The following VRK2 variants were observed in gnomAD, a reference collection of about 807,000 sequenced individuals.
The protein encoded by VRK2 is serine/threonine-protein kinase VRK2.
A neutral mutation model predicts 57.6 loss-of-function variants in VRK2; 60 were observed. The ratio of observed to expected loss-of-function variants is 1.04; its 90% CI spans 0.85 to 1.29. The LOEUF is 1.29. Among genes scored for constraint, VRK2 ranks in the 50% most tolerant of loss-of-function variants. The probability of loss-of-function intolerance (pLI) is 0.00; values close to 1 mark genes in which losing one functional copy is unlikely to be tolerated. For missense variants in VRK2, 705 were observed against 588.1 expected (o/e 1.20, Z -2.06); for synonymous variants, 231 against 199.2 (o/e 1.16, Z -1.35).
At position 58,101,881 on chromosome 2, in the gene VRK2, G is replaced by C. The variant is rs1435418283; in HGVS notation, c.543+12158G>C. 2.0e-5 allele frequency among the ~76,000 whole-genome samples: 3 copies of C among 151,700 alleles called. No homozygotes were observed. In the East Asian group the frequency reaches 5.8e-4, roughly 29 times the overall value. On this transcript the variant is annotated intron_variant, in intron 7 of 12. Transcript: ENST00000340157. ...ATTTCCAGAAGCTGTTATAGAGCAT[G>C]AAACATAATAAGCATTCAATAAGTG...
At chr2:58,048,707 ATCCTAATT>A in intron 1 of VRK2, 112 bp from the exon 2 acceptor site, 1 of 1,499,824 alleles carries the variant, frequency 6.7e-7, no homozygotes, top group African/African-American at 1.4e-5. Flanking sequence ...TAACTTTAGA[ATCCTAATT>A]TCTGGGAACC....
chr2:58,125,874 A>T (rs527941695), intron 8 of VRK2, among the ~76,000 whole-genome samples: 1 of 152,218 alleles, frequency 6.6e-6, no homozygotes, highest in South Asian at 2.1e-4. Context: ...CAAATGTCTG[A>T]ATACTGTTCA....
intron 1 of VRK2, among the ~76,000 whole-genome samples, chr2:57,962,534 G>A (rs373652918): frequency 1.1e-4 from 17 of 152,182 alleles, no homozygotes; most frequent in Middle Eastern, 6.8e-3. Flanking sequence ...AATAAGCATA[G>A]TATTTGATCG....
At chr2:58,036,949 A>AT (rs932857252) in intron 3 of VRK2, among the ~76,000 whole-genome samples, 1 of 151,172 alleles carries the variant, frequency 6.6e-6, no homozygotes, top group East Asian at 1.9e-4. Context: ...TTATTAATTA[A>AT]TTTTTTTTTG....
chr2:58,136,151 G>A lies in VRK2; in HGVS notation c.856+952G>A, dbSNP rs116461439. On this transcript the variant is annotated intron_variant, in intron 10 of 12. Coordinates refer to ENST00000340157, the MANE Select transcript of VRK2 (RefSeq NM_006296.7). ...GGAAACCAAAATTTTCATTTGTGGA[G>A]GAAAGGAAAGAATAAGCCAGTTCTA... 3.0e-3 allele frequency among the ~76,000 whole-genome samples: 453 copies of A among 152,194 alleles called. 1 individual carries two copies. The highest frequency in any genetic ancestry group is 0.01 in the African/African-American group (431 of 41,526).
chr2:57,949,601 C>A (rs1489887455), intron 1 of VRK2, among the ~76,000 whole-genome samples: 1 of 152,298 alleles, frequency 6.6e-6, no homozygotes, highest in Admixed American at 6.5e-5. Context: ...CCTCCTTGGA[C>A]TTCTCTGTTC....
At chr2:57,914,489 T>C (rs901984678) in intron 1 of VRK2, among the ~76,000 whole-genome samples, 3 of 152,120 alleles carry the variant, frequency 2.0e-5, no homozygotes, top group African/African-American at 4.8e-5. Context: ...TATTACATTA[T>C]ACTTAATTAT....
chr2:58,109,780 C>T (rs1189142032), intron 7 of VRK2, among the ~76,000 whole-genome samples: 2 of 152,132 alleles, frequency 1.3e-5, no homozygotes, highest in Non-Finnish European at 2.9e-5. Flanking sequence ...CACAGCCAAA[C>T]CATTTCAGGT....
At chr2:58,076,060 G>A (rs1044068967) in intron 2 of VRK2, among the ~76,000 whole-genome samples, 2 of 150,402 alleles carry the variant, frequency 1.3e-5, no homozygotes, top group Middle Eastern at 3.5e-3. Context: ...ATGTTGAGTG[G>A]AAACCTCTCT....
At position 57,939,891 on chromosome 2, in the gene VRK2, A is replaced by T. The variant is rs564200100; in HGVS notation, c.-439+32052A>T. Among the ~76,000 whole-genome samples the T allele has an allele frequency of 4.6e-5, 7 of 152,252 alleles. No individual in the cohort carries two copies. In the East Asian group the frequency reaches 1.3e-3, roughly 29 times the overall value. Reference sequence around the variant, plus strand: ...ATAGCCTTTTATTGGGTATTGATAAATTTTTTTACATGCAGTTTCATTAAT... The same window carrying T: ...ATAGCCTTTTATTGGGTATTGATAATTTTTTTTACATGCAGTTTCATTAAT... On this transcript the variant is annotated intron_variant, in intron 1 of 15. Transcript: ENST00000417641.
chr2:58,127,108 A>G (rs945385855), intron 8 of VRK2, among the ~76,000 whole-genome samples: 2 of 152,190 alleles, frequency 1.3e-5, no homozygotes, highest in Admixed American at 6.5e-5. Flanking sequence ...TTTATCTAAT[A>G]TGTTTAGTAT....
At chr2:58,119,811 G>A (rs968299837) in intron 7 of VRK2, among the ~76,000 whole-genome samples, 8 of 151,300 alleles carry the variant, frequency 5.3e-5, no homozygotes, top group South Asian at 2.1e-4. Context: ...ATTTTGAACC[G>A]TATGCTAAGC....
intron 1 of VRK2, among the ~76,000 whole-genome samples, chr2:57,982,079 T>C (rs1672437812): frequency 6.6e-6 from 1 of 152,232 alleles, no homozygotes; most frequent in South Asian, 2.1e-4. Context: ...TGTTCTTTGA[T>C]GCCCTTGAGG....
At chr2:57,974,406 GA>G (rs1253783400) in intron 1 of VRK2, among the ~76,000 whole-genome samples, 1 of 151,702 alleles carries the variant, frequency 6.6e-6, no homozygotes, top group African/African-American at 2.4e-5. Flanking sequence ...GTATATATGG[GA>G]TTTTTTTATA....
chr2:58,046,995 C>T (rs1483323761), intron 1 of VRK2, 127 bp downstream of exon 1: 1 of 984,510 alleles, frequency 1.0e-6, no homozygotes, highest in East Asian at 1.1e-4. Flanking sequence ...CCGTCCCAGC[C>T]CCCGGGCCTC....
intron 5 of VRK2, among the ~76,000 whole-genome samples, chr2:58,087,046 A>G (rs904923707): frequency 6.6e-5 from 10 of 152,218 alleles, no homozygotes; most frequent in African/African-American, 2.4e-4. Flanking sequence ...TTATAGAAAT[A>G]TCTTTAAAAC....
chr2:58,049,779 T>C (rs1435298866), intron 2 of VRK2, among the ~76,000 whole-genome samples: 1 of 152,180 alleles, frequency 6.6e-6, no homozygotes, highest in Non-Finnish European at 1.5e-5. Flanking sequence ...ATAAAATACC[T>C]CCGTTGAGGG....
intron 2 of VRK2, among the ~76,000 whole-genome samples, chr2:58,062,367 C>G (rs1316744990): frequency 6.6e-6 from 1 of 152,004 alleles, no homozygotes. Context: ...ATTAATAACC[C>G]TAACGTGGCC....
chr2:58,010,449 A>C (rs1043555371), intron 1 of VRK2, among the ~76,000 whole-genome samples: 1 of 152,010 alleles, frequency 6.6e-6, no homozygotes, highest in African/African-American at 2.4e-5. Context: ...ATTTAATATC[A>C]AGGGTTAGTG....
Sources: allele counts gnomAD v4.1 joint callset (sites outside exome capture counted in the v4.1 genomes callset), GRCh38; gene constraint gnomAD v4.1.1; transcripts MANE v1.5; gene names NCBI Gene and HGNC (gene_info 2026-07-23, HGNC 2026-07-21).